The following CSMD2 variants were observed in gnomAD, a reference collection of about 807,000 sequenced individuals.
CSMD2 encodes the protein CUB and sushi domain-containing protein 2.
A neutral mutation model predicts 398.5 loss-of-function variants in CSMD2; 130 were observed. That is an observed-to-expected ratio of 0.33 (90% CI 0.28 to 0.38). The LOEUF (loss-of-function observed/expected upper bound fraction) is 0.38, where lower values mean the gene tolerates loss of function less well. Ranked by LOEUF, CSMD2 falls within the 10% of genes least tolerant of loss-of-function variation. CSMD2 has a pLI of 1.00. For synonymous variants in CSMD2, 1,828 were observed against 1,908.5 expected (o/e 0.96, Z 1.10); for missense variants, 3,829 against 4,764.9 (o/e 0.80, Z 5.78).
chr1:33,963,948 T>C (rs1645462391), intron 3 of CSMD2, among the ~76,000 whole-genome samples: 3 of 152,266 alleles, frequency 2.0e-5, no homozygotes, highest in Admixed American at 6.5e-5. Flanking sequence ...CTGTGTCAGA[T>C]GGCAGATGTG....
intron 29 of CSMD2, among the ~76,000 whole-genome samples, chr1:33,646,392 C>G (rs680801): frequency 0.11 from 16,540 of 152,212 alleles, 1,156 homozygotes; most frequent in African/African-American, 0.2. Context: ...GAGAAGAGGA[C>G]TAGTGGTTGG....
At chr1:33,897,336 G>A (rs1231913195) in intron 5 of CSMD2, among the ~76,000 whole-genome samples, 1 of 152,182 alleles carries the variant, frequency 6.6e-6, no homozygotes, top group Non-Finnish European at 1.5e-5. Flanking sequence ...GAAGAGCTTC[G>A]ATTCTGCCCT....
In CSMD2 at chr1:33,519,856, G is replaced by A. The variant is rs374734391; in HGVS notation, c.10692C>T (p.Ile3564=). 2.3e-5 allele frequency: 37 copies of A among 1,613,976 alleles called. No homozygotes were observed. The African/African-American group carries it at 2.8e-4, about 12-fold the overall frequency. ...SVAAAILVPF[I]ALIIAGFVLY... ...GCACGAAGCCCGCAATAATGAGGGC[G>A]ATGAAAGGCACCAGGATCGCGGCTG... The change falls in exon 69 of 71, where the codon ATC becomes ATT. Residue 3564 remains isoleucine (I), a synonymous_variant. Transcript: ENST00000373381. This position sits in a 1 kb window ranked among gnomAD's most constrained non-coding sequence, Gnocchi z 5.6.
intron 12 of CSMD2, among the ~76,000 whole-genome samples, chr1:33,781,221 C>T (rs958698743): frequency 6.6e-6 from 1 of 152,172 alleles, no homozygotes; most frequent in Admixed American, 6.5e-5. Context: ...TTTCTAAGCC[C>T]ACCTGTTCCC....
chr1:33,719,732 T>G (rs1328273488), intron 19 of CSMD2, among the ~76,000 whole-genome samples: 2 of 152,176 alleles, frequency 1.3e-5, no homozygotes, highest in African/African-American at 4.8e-5. Flanking sequence ...GCTTAACACC[T>G]CAGGTTCCAG....
chr1:33,557,829 G>A lies in CSMD2; in HGVS notation c.8648C>T (p.Ser2883Phe). 1 of 1,536,130 alleles carries A rather than the reference G, an allele frequency of 6.5e-7. No individual in the cohort carries two copies. Among genetic ancestry groups the A allele is most frequent in the Non-Finnish European group, 8.7e-7 (1 of 1,146,904 alleles). ...GTAGAAGCCGTGGTTGCACCGGTAA[G>A]ACACAGTGGTGCCGAAGCTGAACCT... is the stretch of plus-strand genomic sequence containing the variant. ...PHRFSFGTTV[S>F]YRCNHGFYLL... Residue 2883 changes from serine to phenylalanine, a missense_variant, in exon 55 of 71, where the codon TCT (serine) becomes TTT (phenylalanine). Coordinates refer to ENST00000373381, the MANE Select transcript of CSMD2 (RefSeq NM_001281956.2).
chr1:33,791,779 C>T (rs772117427), intron 11 of CSMD2, among the ~76,000 whole-genome samples: 5 of 152,216 alleles, frequency 3.3e-5, no homozygotes, highest in Admixed American at 1.3e-4. Flanking sequence ...TACACCACCA[C>T]GCTTGGCCTT....
intron 2 of CSMD2, among the ~76,000 whole-genome samples, chr1:34,088,113 C>T (rs1174811632): frequency 6.6e-6 from 1 of 152,242 alleles, no homozygotes; most frequent in Non-Finnish European, 1.5e-5. Flanking sequence ...GGCTGAGATG[C>T]ATCTTAAACA....
chr1:34,048,841 G>A (rs1211812308), intron 2 of CSMD2, among the ~76,000 whole-genome samples: 1 of 152,184 alleles, frequency 6.6e-6, no homozygotes. Context: ...CATGAAGTGG[G>A]AGAATATCAG....
At chr1:33,861,228 T>C (rs1160485687) in intron 5 of CSMD2, 3 of 152,216 alleles carry the variant, frequency 2.0e-5, no homozygotes, top group Non-Finnish European at 4.4e-5. Context: ...TGTTTGAAAA[T>C]ACTGAACTCA....
chr1:33,779,816 C>T (rs567889084), intron 12 of CSMD2, among the ~76,000 whole-genome samples: 43 of 152,256 alleles, frequency 2.8e-4, no homozygotes, highest in African/African-American at 9.1e-4. Flanking sequence ...CCTTGAGGAC[C>T]GAGCCAATGT....
chr1:33,831,801 A>C (rs1008424263), intron 6 of CSMD2, among the ~76,000 whole-genome samples: 1 of 151,592 alleles, frequency 6.6e-6, no homozygotes, highest in African/African-American at 2.4e-5. Flanking sequence ...GGCTCAAAAT[A>C]AAAGGATGGA....
chr1:33,765,827 G>C (rs562528189), intron 13 of CSMD2, among the ~76,000 whole-genome samples: 1 of 152,294 alleles, frequency 6.6e-6, no homozygotes, highest in African/African-American at 2.4e-5. Context: ...AATTGGGAAA[G>C]AATACCAACA....
intron 5 of CSMD2, among the ~76,000 whole-genome samples, chr1:33,874,036 TTG>T (rs1372355421): frequency 1.3e-5 from 2 of 152,200 alleles, no homozygotes; most frequent in Non-Finnish European, 2.9e-5. Context: ...TCCAACTCCC[TTG>T]TGTGTTCCCA....
intron 1 of CSMD2, among the ~76,000 whole-genome samples, chr1:34,096,306 A>T (rs1329881908): frequency 6.6e-6 from 1 of 151,412 alleles, no homozygotes; most frequent in African/African-American, 2.4e-5. Flanking sequence ...CCAATATCAT[A>T]CTGAATGGGC....
intron 12 of CSMD2, among the ~76,000 whole-genome samples, chr1:33,780,644 TCTACCAAATTTTAATG>T (rs1172357623): frequency 3.3e-5 from 5 of 152,250 alleles, no homozygotes; most frequent in African/African-American, 9.6e-5. Flanking sequence ...CAAATTACTT[TCTACCAAATTTTAATG>T]CGGCAGCATC....
At chr1:33,550,519 C>T (rs1657344859) in intron 55 of CSMD2, among the ~76,000 whole-genome samples, 169 bp from the exon 56 acceptor site, 1 of 152,212 alleles carries the variant, frequency 6.6e-6, no homozygotes. Flanking sequence ...CAGACAATGT[C>T]CACTCAGGGG....
chr1:33,726,288 G>A (rs975875993), intron 16 of CSMD2, among the ~76,000 whole-genome samples: 2 of 152,096 alleles, frequency 1.3e-5, no homozygotes, highest in Admixed American at 6.5e-5. Flanking sequence ...GGGCTGGGGA[G>A]GGGGGAGCTC....
intron 3 of CSMD2, among the ~76,000 whole-genome samples, chr1:33,952,289 G>C (rs920201466): frequency 6.6e-6 from 1 of 152,176 alleles, no homozygotes; most frequent in Admixed American, 6.5e-5. Context: ...ATTAAGCAGA[G>C]GAAAACTAAT....
Sources: allele counts gnomAD v4.1 joint callset (sites outside exome capture counted in the v4.1 genomes callset), GRCh38; gene constraint gnomAD v4.1.1; non-coding constraint Gnocchi (gnomAD v3.1); transcripts MANE v1.5; gene names NCBI Gene and HGNC (gene_info 2026-07-23, HGNC 2026-07-21).